Variants in TKT observed in about 807,000 individuals in gnomAD.
TKT encodes the protein epididymis luminal protein 107.
Under a neutral mutation model 63.9 loss-of-function variants are expected in TKT, and 47 were observed. The observed-to-expected ratio is 0.74, with a 90% CI of 0.58 to 0.94. The LOEUF (loss-of-function observed/expected upper bound fraction) is 0.94, where lower values mean the gene tolerates loss of function less well. Ranked by LOEUF, TKT falls within the 40% of genes least tolerant of loss-of-function variation. The pLI, the probability that TKT is intolerant of heterozygous loss-of-function variation, is 0.00. For missense variants in TKT, 721 were observed against 846.2 expected, an observed-to-expected ratio of 0.85 and a Z score of 1.84; for synonymous variants, 338 against 334.1, an observed-to-expected ratio of 1.01 and a Z score of -0.13.
chr3:53,255,463 T>A (rs1246994285), intron 1 of TKT, among the ~76,000 whole-genome samples: 1 of 152,048 alleles, frequency 6.6e-6, no homozygotes, highest in Admixed American at 6.5e-5. Context: ...AGGGCCGCGT[T>A]CTGTAGAACA....
chr3:53,248,241 G>A (rs916329713), intron 1 of TKT, among the ~76,000 whole-genome samples: 1 of 152,202 alleles, frequency 6.6e-6, no homozygotes, highest in Non-Finnish European at 1.5e-5. Flanking sequence ...AAAGTCACAC[G>A]GCCTGCCAGC....
intron 1 of TKT, among the ~76,000 whole-genome samples, chr3:53,251,973 CG>C (rs1190783212): frequency 4.6e-5 from 7 of 152,172 alleles, no homozygotes; most frequent in Non-Finnish European, 7.3e-5. Context: ...CCCGTCTCTA[CG>C]GGGTAAAAAT....
chr3:53,239,632 C>A (rs1359220989), intron 4 of TKT, among the ~76,000 whole-genome samples: 1 of 152,164 alleles, frequency 6.6e-6, no homozygotes, highest in Non-Finnish European at 1.5e-5. Context: ...AAACTTATGG[C>A]TAGAACCTTC....
At chr3:53,249,130 C>G (rs1705642505) in intron 1 of TKT, among the ~76,000 whole-genome samples, 1 of 151,202 alleles carries the variant, frequency 6.6e-6, no homozygotes, top group Non-Finnish European at 1.5e-5. Context: ...CCATGCCCGA[C>G]TCATTTTTTT....
chr3:53,228,939 GCCT>G, intron 10 of TKT, 65 bp downstream of exon 10: 2 of 1,596,398 alleles, frequency 1.3e-6, no homozygotes, highest in Non-Finnish European at 1.7e-6. Flanking sequence ...ACCAGCTCTG[GCCT>G]CCTCTTCTGT....
At chr3:53,241,957 G>C in intron 2 of TKT, 168 bp downstream of exon 2, 2 of 655,670 alleles carry the variant, frequency 3.1e-6, no homozygotes, top group Admixed American at 4.6e-5. Context: ...TAGCCAGCTG[G>C]GTCAGCACAG....
At position 53,228,041 on chromosome 3, in the gene TKT, G is replaced by T; in HGVS notation, c.1573+15C>A. On this transcript the variant is annotated intron_variant, in intron 12 of 13. Coordinates refer to ENST00000462138, the MANE Select transcript of TKT (RefSeq NM_001064.4). ...GGCCGCTCAGTTGATGACTTTGGAG[G>T]CCCCTTCTCCTCACCTTTCTTCAGC... 6.2e-7 allele frequency: 1 copy of T among 1,610,702 alleles called. No individual in the cohort carries two copies. The highest frequency in any genetic ancestry group is 8.5e-7 in the Non-Finnish European group (1 of 1,178,626).
At chr3:53,239,271 G>A (rs28758191) in intron 4 of TKT, among the ~76,000 whole-genome samples, 78,786 of 151,900 alleles carry the variant, frequency 0.52, 21,203 homozygotes, top group Admixed American at 0.62. Flanking sequence ...CAGCAGTGTG[G>A]AAACAGACTA....
At chr3:53,232,441 C>T (rs1472585394) in intron 6 of TKT, 2 of 398,910 alleles carry the variant, frequency 5.0e-6, no homozygotes, top group Non-Finnish European at 8.8e-6. Context: ...GGTGGGCAGC[C>T]AGGGGCATTT....
intron 1 of TKT, among the ~76,000 whole-genome samples, chr3:53,254,666 C>A (rs1705903137): frequency 6.6e-6 from 1 of 152,206 alleles, no homozygotes; most frequent in Non-Finnish European, 1.5e-5. Flanking sequence ...ACTGTGGCCT[C>A]AAAGCAGCCT....
At chr3:53,247,756 G>A (rs1406993754) in intron 1 of TKT, among the ~76,000 whole-genome samples, 5 of 152,016 alleles carry the variant, frequency 3.3e-5, no homozygotes, top group East Asian at 3.9e-4. Context: ...GCTTCTGCCC[G>A]GAAAGAACCT....
chr3:53,230,802 G>C (rs1704721102), intron 7 of TKT, among the ~76,000 whole-genome samples, 181 bp from the exon 8 acceptor site: 1 of 92,908 alleles, frequency 1.1e-5, no homozygotes. Flanking sequence ...CAATGTCTTG[G>C]GAGCCCCTGG....
rs1200225334 is a variant in TKT, at chr3:53,241,886, G to A, written c.225+239C>T. 2.5e-5 allele frequency: 13 copies of A among 524,904 alleles called. No homozygotes were observed. In the Admixed American group the frequency reaches 4.1e-4, roughly 17 times the overall value. 32.5% of individuals were successfully genotyped at this position (524,904 alleles called of 1,614,324 possible). On this transcript the variant is annotated intron_variant, in intron 2 of 13. Coordinates refer to ENST00000462138, the MANE Select transcript of TKT (RefSeq NM_001064.4). ...CCCTACTCCATTTCTTTGAGTTAAA[G>A]CGTTGTTTATGTACCTGGGCTCCAT... is the stretch of plus-strand genomic sequence containing the variant.
At chr3:53,244,405 G>A (rs1435823248) in intron 1 of TKT, among the ~76,000 whole-genome samples, 2 of 152,130 alleles carry the variant, frequency 1.3e-5, no homozygotes, top group Non-Finnish European at 2.9e-5. Context: ...GAGTGTCTGG[G>A]AGACACAGTG....
chr3:53,237,337 A>G (rs1705074990), intron 4 of TKT, among the ~76,000 whole-genome samples: 1 of 151,768 alleles, frequency 6.6e-6, no homozygotes, highest in Non-Finnish European at 1.5e-5. Context: ...GCAGTGAGCT[A>G]AGATGGCACC....
chr3:53,241,091 G>C, intron 3 of TKT, 41 bp downstream of exon 3: 4 of 1,492,108 alleles, frequency 2.7e-6, no homozygotes, highest in Non-Finnish European at 3.6e-6. Flanking sequence ...GAAATAGGAA[G>C]TGGAGGCAGA....
At chr3:53,229,215 C>A in intron 9 of TKT, 65 bp downstream of exon 9, 2 of 1,612,942 alleles carry the variant, frequency 1.2e-6, no homozygotes, top group Non-Finnish European at 1.7e-6. Context: ...GGCCCATCCC[C>A]CTCCCATACC....
At chr3:53,226,617 G>T in intron 13 of TKT, 139 bp downstream of exon 13, 3 of 1,278,514 alleles carry the variant, frequency 2.3e-6, no homozygotes, top group Non-Finnish European at 3.3e-6. Flanking sequence ...AAGAGACCAC[G>T]TCCCAGCTGC....
chr3:53,234,834 T>C, intron 5 of TKT, 149 bp downstream of exon 5: 1 of 772,942 alleles, frequency 1.3e-6, no homozygotes, highest in Non-Finnish European at 1.9e-6. Flanking sequence ...TGCCTAGAGT[T>C]TGAAATTGTG....
Sources: gnomAD v4.1 joint callset for allele counts (sites outside exome capture counted in the v4.1 genomes callset) on GRCh38, gnomAD v4.1.1 for gene constraint, MANE v1.5 for transcripts, NCBI Gene and HGNC (gene_info 2026-07-23, HGNC 2026-07-21) for gene names.